CALB2: variants seen among roughly 807,000 people sequenced by gnomAD.
CALB2 encodes the protein calretinin.
CALB2 carries 34 observed loss-of-function variants against 45.9 expected under a neutral mutation model. The observed-to-expected ratio is 0.74, with a 90% CI of 0.56 to 0.99. CALB2 has a LOEUF of 0.99. Ranked by LOEUF, CALB2 falls within the 50% of genes least tolerant of loss-of-function variation. The pLI is 0.00. For missense variants in CALB2, 344 were observed against 339.3 expected, an observed-to-expected ratio of 1.01 and a Z score of -0.11; for synonymous variants, 142 against 129.6, an observed-to-expected ratio of 1.10 and a Z score of -0.65.
intron 10 of CALB2, among the ~76,000 whole-genome samples, chr16:71,387,238 C>T (rs960880708): frequency 6.6e-6 from 1 of 152,204 alleles, no homozygotes; most frequent in African/African-American, 2.4e-5. Flanking sequence ...TGGTGCTGCA[C>T]AGCTTGACTC....
chr16:71,383,681 CT>C (rs1443273909), intron 6 of CALB2, among the ~76,000 whole-genome samples: 1 of 152,186 alleles, frequency 6.6e-6, no homozygotes, highest in African/African-American at 2.4e-5. Context: ...ACCTCTGCAG[CT>C]CTAGGAGAGG....
chr16:71,365,881 C>G (rs956634363), intron 1 of CALB2, among the ~76,000 whole-genome samples: 13 of 151,940 alleles, frequency 8.6e-5, no homozygotes, highest in African/African-American at 3.1e-4. Context: ...CCCTTCCCCC[C>G]ATCCATTAAA....
At chr16:71,365,710 G>A (rs764471688) in intron 1 of CALB2, among the ~76,000 whole-genome samples, 6 of 152,066 alleles carry the variant, frequency 3.9e-5, no homozygotes, top group African/African-American at 1.4e-4. Context: ...ACAGCACGGC[G>A]TTATGCTCCA....
Position 71,358,752 on chromosome 16 carries a change from G to C in CALB2, c.-41G>C, listed in dbSNP as rs1389806351. ...CGAGTGCCAGAGCCCAGCCGGCGCG[G>C]AGCGGGAGCGGTGCAGGCTGAGGTC... On this transcript the variant is annotated 5_prime_UTR_variant, in exon 1 of 11. Coordinates refer to ENST00000302628, the MANE Select transcript of CALB2 (RefSeq NM_001740.5). 6.6e-7 allele frequency: 1 copy of C among 1,520,408 alleles called. No individual in the cohort carries two copies. Among genetic ancestry groups the C allele is most frequent in the Admixed American group, 1.9e-5 (1 of 54,034 alleles). The allele number at this position is 1,520,408 out of a possible 1,614,324, so 94.2% of individuals were successfully genotyped here.
At chr16:71,364,241 G>A (rs1057391609) in intron 1 of CALB2, among the ~76,000 whole-genome samples, 1 of 152,098 alleles carries the variant, frequency 6.6e-6, no homozygotes, top group African/African-American at 2.4e-5. Context: ...GCCCGCCTAA[G>A]GGACCCGTTT....
intron 9 of CALB2, among the ~76,000 whole-genome samples, chr16:71,385,167 AG>A (rs897952643): frequency 1.3e-5 from 2 of 152,114 alleles, no homozygotes; most frequent in Non-Finnish European, 2.9e-5. Context: ...CCCAGGGCCA[AG>A]TCTTTCTCTG....
chr16:71,385,083 AG>A (rs1030833808), intron 9 of CALB2, among the ~76,000 whole-genome samples: 1 of 152,164 alleles, frequency 6.6e-6, no homozygotes, highest in Non-Finnish European at 1.5e-5. Flanking sequence ...GCTTAGAACT[AG>A]GGTGTGACCA....
At position 71,372,159 on chromosome 16, in the gene CALB2, G is replaced by A. The variant is rs768220789; in HGVS notation, c.101G>A (p.Gly34Glu). 4 of 1,605,852 alleles carry A rather than the reference G, an allele frequency of 2.5e-6. No homozygotes were observed. Among genetic ancestry groups the A allele is most frequent in the Non-Finnish European group, 3.4e-6 (4 of 1,173,430 alleles). Residue 34 changes from glycine to glutamate, a missense_variant, in exon 2 of 11, where the codon GGG becomes GAG. Coordinates refer to ENST00000302628, the MANE Select transcript of CALB2 (RefSeq NM_001740.5). ...TTTCTCTCTCTTTTTACAGGAAATGGGTATATTGAAGGTAAAGAGCTAGAA... is the reference window on the plus strand; with the variant it reads ...TTTCTCTCTCTTTTTACAGGAAATGAGTATATTGAAGGTAAAGAGCTAGAA... The part of the protein sequence containing the change: ...IWKHFDADGN[G>E]YIEGKELENF...
intron 1 of CALB2, among the ~76,000 whole-genome samples, chr16:71,362,505 G>A (rs77600110): frequency 0.032 from 4,883 of 152,218 alleles, 261 homozygotes; most frequent in African/African-American, 0.11. Context: ...AGTGTTCTTC[G>A]GAAATACTAA....
At chr16:71,372,070 C>A in intron 1 of CALB2, 83 bp from the exon 2 acceptor site, 2 of 960,634 alleles carry the variant, frequency 2.1e-6, no homozygotes, top group Non-Finnish European at 3.3e-6. Context: ...AGAAGACATT[C>A]TCCACGAAGC....
Position 71,390,208 on chromosome 16 carries a change from C to T in CALB2, c.*343C>T, listed in dbSNP as rs559273534. Reference sequence around the variant, plus strand: ...TCCAACAGAGTGGACTCTTCCCTCTCGCTCCCCTCTGCCGGTCCCCCATGC... The same window carrying T: ...TCCAACAGAGTGGACTCTTCCCTCTTGCTCCCCTCTGCCGGTCCCCCATGC... On this transcript the variant is annotated 3_prime_UTR_variant, in exon 11 of 11. Coordinates refer to ENST00000302628, the MANE Select transcript of CALB2 (RefSeq NM_001740.5). 83 of 197,558 alleles carry T rather than the reference C, an allele frequency of 4.2e-4. No individual in the cohort carries two copies. Among genetic ancestry groups the T allele is most frequent in the Non-Finnish European group, 7.4e-4 (71 of 95,730 alleles). 12.2% of individuals were successfully genotyped at this position (197,558 alleles called of 1,614,324 possible). A position where few individuals can be genotyped will look rare whatever the true frequency, so the allele number is the denominator to read the frequency against.
chr16:71,359,038 G>A, intron 1 of CALB2, 152 bp downstream of exon 1: 1 of 666,570 alleles, frequency 1.5e-6, no homozygotes, highest in South Asian at 1.8e-5. Context: ...CCCGGGTTTG[G>A]GAGACATCCG....
chr16:71,386,295 T>C (rs1022788523), intron 10 of CALB2, among the ~76,000 whole-genome samples: 1 of 152,198 alleles, frequency 6.6e-6, no homozygotes, highest in Non-Finnish European at 1.5e-5. Context: ...GGGATGCTGC[T>C]GTGAGGCCAT....
rs766545830 is a variant in CALB2, at chr16:71,374,848, C to T, written c.261+14C>T. 20 of 1,572,088 alleles carry T rather than the reference C, an allele frequency of 1.3e-5. No individual in the cohort carries two copies. The highest frequency in any genetic ancestry group is 1.2e-4 in the Admixed American group (7 of 59,886). ...GAGATGGCAGAGGTGAGCCCTGCCT[C>T]GCTGGTAAAGAGCTGTGTGGGAGGG... On this transcript the variant is annotated intron_variant, in intron 3 of 10. Transcript: ENST00000302628.
At chr16:71,385,430 G>A in intron 9 of CALB2, 147 bp from the exon 10 acceptor site, 1 of 563,610 alleles carries the variant, frequency 1.8e-6, no homozygotes, top group African/African-American at 1.9e-5. Flanking sequence ...AGGCAGAAGG[G>A]ACACATTATT....
At chr16:71,373,014 G>A (rs2042370440) in intron 2 of CALB2, among the ~76,000 whole-genome samples, 1 of 152,182 alleles carries the variant, frequency 6.6e-6, no homozygotes, top group Non-Finnish European at 1.5e-5. Flanking sequence ...CTTAGTGACA[G>A]GAGTGTTGCT....
At chr16:71,358,985 C>T (rs2042212191) in intron 1 of CALB2, 99 bp downstream of exon 1, 2 of 1,045,854 alleles carry the variant, frequency 1.9e-6, no homozygotes, top group Non-Finnish European at 2.9e-6. Context: ...GTACGTTTGC[C>T]CTCAGGAGGT....
chr16:71,382,648 A>C, intron 4 of CALB2, 71 bp from the exon 5 acceptor site: 1 of 1,493,372 alleles, frequency 6.7e-7, no homozygotes, highest in Non-Finnish European at 9.2e-7. Flanking sequence ...GGCCCATTAA[A>C]GGGGAATGGA....
chr16:71,372,774 C>T (rs1254377395), intron 2 of CALB2, among the ~76,000 whole-genome samples: 2 of 152,238 alleles, frequency 1.3e-5, no homozygotes, highest in Non-Finnish European at 2.9e-5. Flanking sequence ...AAAAATGTCT[C>T]CAAACATTGC....
Sources: gnomAD v4.1 joint callset for allele counts (sites outside exome capture counted in the v4.1 genomes callset) on GRCh38, gnomAD v4.1.1 for gene constraint, MANE v1.5 for transcripts, NCBI Gene and HGNC (gene_info 2026-07-23, HGNC 2026-07-21) for gene names.